The following KDM4C variants were observed in gnomAD, a reference collection of about 807,000 sequenced individuals.
KDM4C encodes lysine demethylase 4C.
Under a neutral mutation model 129.3 loss-of-function variants are expected in KDM4C, and 81 were observed. That is an observed-to-expected ratio of 0.63 (90% CI 0.52 to 0.75). The LOEUF is 0.75. Among genes scored for constraint, KDM4C ranks in the 30% least tolerant of loss-of-function variants. KDM4C has a pLI of 0.00. For missense variants in KDM4C, 1,457 were observed against 1,304.0 expected, an observed-to-expected ratio of 1.12 and a Z score of -1.81; for synonymous variants, 573 against 456.1, an observed-to-expected ratio of 1.26 and a Z score of -3.26.
intron 8 of KDM4C, among the ~76,000 whole-genome samples, chr9:6,947,744 G>T (rs1827236800): frequency 6.6e-6 from 1 of 151,884 alleles, no homozygotes; most frequent in Non-Finnish European, 1.5e-5. Context: ...CTGTGCTTTA[G>T]AATCATCTAG....
At chr9:6,922,333 G>T (rs1341860944) in intron 8 of KDM4C, among the ~76,000 whole-genome samples, 1 of 152,118 alleles carries the variant, frequency 6.6e-6, no homozygotes, top group Non-Finnish European at 1.5e-5. Context: ...CATGGTTATA[G>T]TCATAAGGAA....
At chr9:7,096,256 G>A (rs1587614194) in intron 17 of KDM4C, among the ~76,000 whole-genome samples, 1 of 152,266 alleles carries the variant, frequency 6.6e-6, no homozygotes, top group African/African-American at 2.4e-5. Flanking sequence ...TCAGCGAAGT[G>A]CTTCTTTCAA....
chr9:6,964,796 A>AAAG (rs1414327312), intron 8 of KDM4C, among the ~76,000 whole-genome samples: 1 of 150,412 alleles, frequency 6.6e-6, no homozygotes, highest in Non-Finnish European at 1.5e-5. Context: ...AAAAAAAAAA[A>AAAG]AAAAACCACA....
chr9:7,130,556 G>A (rs933232011), intron 19 of KDM4C, among the ~76,000 whole-genome samples: 2 of 152,124 alleles, frequency 1.3e-5, no homozygotes, highest in African/African-American at 4.8e-5. Context: ...AAATCAATGA[G>A]AATGAAAAAG....
chr9:6,839,338 C>A (rs895789441), intron 4 of KDM4C, among the ~76,000 whole-genome samples: 2 of 151,916 alleles, frequency 1.3e-5, no homozygotes, highest in African/African-American at 4.8e-5. Flanking sequence ...CAAACCATTC[C>A]CCCACGTCAA....
chr9:7,037,399 C>G (rs80115217), intron 15 of KDM4C, among the ~76,000 whole-genome samples: 1 of 152,120 alleles, frequency 6.6e-6, no homozygotes, highest in South Asian at 2.1e-4. Context: ...TGATTTCCCT[C>G]GGCTGCAAAT....
intron 5 of KDM4C, among the ~76,000 whole-genome samples, chr9:6,856,293 A>G (rs775479902): frequency 1.5e-4 from 23 of 152,232 alleles, no homozygotes; most frequent in African/African-American, 5.5e-4. Flanking sequence ...GTAACTTTAG[A>G]CCCAGTAATA....
intron 21 of KDM4C, among the ~76,000 whole-genome samples, chr9:7,171,360 C>T (rs568925413): frequency 5.9e-5 from 9 of 152,130 alleles, no homozygotes; most frequent in Non-Finnish European, 8.8e-5. Context: ...GATGACTTGT[C>T]GCTGTTCTGA....
At chr9:7,033,757 C>G (rs1827175744) in intron 15 of KDM4C, among the ~76,000 whole-genome samples, 1 of 152,140 alleles carries the variant, frequency 6.6e-6, no homozygotes. Flanking sequence ...AGAACAAATG[C>G]CTCATTAATC....
At chr9:6,752,511 A>G (rs1355491070) in intron 1 of KDM4C, among the ~76,000 whole-genome samples, 1 of 149,722 alleles carries the variant, frequency 6.7e-6, no homozygotes, top group East Asian at 2.0e-4. Context: ...CCTGGGTTCA[A>G]GCGATTCTCC....
chr9:7,046,496 G>A (rs1200797004), intron 15 of KDM4C, among the ~76,000 whole-genome samples: 6 of 151,940 alleles, frequency 3.9e-5, no homozygotes, highest in Non-Finnish European at 7.4e-5. Context: ...CTACACCGTC[G>A]TGTGTGCATT....
chr9:7,073,528 C>G (rs1833497335), intron 17 of KDM4C, among the ~76,000 whole-genome samples: 1 of 152,180 alleles, frequency 6.6e-6, no homozygotes, highest in East Asian at 1.9e-4. Context: ...AGGCTGAAAA[C>G]AAACATGGAG....
intron 1 of KDM4C, among the ~76,000 whole-genome samples, chr9:6,729,003 A>G (rs180696105): frequency 8.6e-4 from 130 of 152,036 alleles, no homozygotes; most frequent in Non-Finnish European, 1.3e-3. Context: ...CAGGAGTTCA[A>G]GATCAGCCTG....
At chr9:6,729,216 A>G (rs1435218251) in intron 1 of KDM4C, among the ~76,000 whole-genome samples, 19 of 123,592 alleles carry the variant, frequency 1.5e-4, no homozygotes, top group South Asian at 8.9e-4. Context: ...AAAAAAAAAA[A>G]AAAAAAAAAA....
chr9:7,134,180 G>T (rs1840944536), intron 19 of KDM4C, among the ~76,000 whole-genome samples: 1 of 152,228 alleles, frequency 6.6e-6, no homozygotes, highest in Non-Finnish European at 1.5e-5. Flanking sequence ...GGCCCACATG[G>T]CCTTTCACTC....
At chr9:6,868,026 G>A (rs541997413) in intron 5 of KDM4C, among the ~76,000 whole-genome samples, 3 of 152,270 alleles carry the variant, frequency 2.0e-5, no homozygotes, top group African/African-American at 7.2e-5. Context: ...ATACATGAAA[G>A]TTTCTGCAGA....
chr9:7,024,503 T>C (rs907581934), intron 15 of KDM4C, among the ~76,000 whole-genome samples: 1 of 149,792 alleles, frequency 6.7e-6, no homozygotes, highest in Non-Finnish European at 1.5e-5. Context: ...CCCACAACAG[T>C]CCCTGGAGTG....
chr9:6,955,197 A>G (rs1262216572), intron 8 of KDM4C, among the ~76,000 whole-genome samples: 1 of 152,304 alleles, frequency 6.6e-6, no homozygotes, highest in South Asian at 2.1e-4. Context: ...AAATTCTTCT[A>G]CTGTGGGGTG....
chr9:7,049,716 T>C (rs565511637), intron 17 of KDM4C, among the ~76,000 whole-genome samples: 2 of 152,284 alleles, frequency 1.3e-5, no homozygotes, highest in East Asian at 3.9e-4. Flanking sequence ...CTCTGGCTTG[T>C]TCAGAAACTG....
Sources: allele counts gnomAD v4.1 joint callset (sites outside exome capture counted in the v4.1 genomes callset), GRCh38; gene constraint gnomAD v4.1.1; transcripts MANE v1.5; gene names NCBI Gene and HGNC (gene_info 2026-07-23, HGNC 2026-07-21).